Variants in USH2A observed in about 807,000 individuals in gnomAD.
The protein encoded by USH2A is usherin, also known as Usher syndrome 2A (autosomal recessive, mild).
In USH2A, 443 loss-of-function variants were observed where a neutral mutation model predicts 538.9. The observed-to-expected ratio is 0.82, with a 90% CI of 0.76 to 0.89. The LOEUF is 0.89. Ranked by LOEUF, USH2A falls within the 40% of genes least tolerant of loss-of-function variation. The pLI, the probability that USH2A is intolerant of heterozygous loss-of-function variation, is 0.00. For synonymous variants in USH2A, 2,413 were observed against 2,273.5 expected (o/e 1.06, Z -1.75); for missense variants, 6,633 against 6,324.8 (o/e 1.05, Z -1.65).
intron 11 of USH2A, among the ~76,000 whole-genome samples, chr1:216,288,451 C>T (rs542820625): frequency 9.2e-5 from 14 of 151,964 alleles, no homozygotes; most frequent in Admixed American, 3.9e-4. Flanking sequence ...AATGAATTCT[C>T]AAAATTATAG....
intron 38 of USH2A, among the ~76,000 whole-genome samples, chr1:215,921,814 T>C (rs970147785): frequency 1.3e-5 from 2 of 152,078 alleles, no homozygotes; most frequent in African/African-American, 4.8e-5. Flanking sequence ...TAATAGCACT[T>C]GCCTTACAGG....
chr1:215,766,120 C>T (rs1385473278), intron 56 of USH2A, among the ~76,000 whole-genome samples: 1 of 152,160 alleles, frequency 6.6e-6, no homozygotes, highest in Non-Finnish European at 1.5e-5. Flanking sequence ...CATCTCTGTA[C>T]ATCACTGTTC....
rs553726116 is a variant in USH2A at position 215,941,189 on chromosome 1, T to C, written c.7121-6394A>G. 7.2e-5 allele frequency among the ~76,000 whole-genome samples: 11 copies of C among 152,226 alleles called. No individual in the cohort carries two copies. The South Asian group carries it at 1.4e-3, about 20-fold the overall frequency. On this transcript the variant is annotated intron_variant, in intron 37 of 71. Transcript: ENST00000307340. ...CTGTACCTTATGCTTAATATTGCTG[T>C]AATCCTAAAACTGCTCTAAAAATAG...
chr1:216,104,653 CT>C (rs1012127723), intron 21 of USH2A, among the ~76,000 whole-genome samples: 6 of 152,112 alleles, frequency 3.9e-5, no homozygotes, highest in African/African-American at 1.4e-4. Flanking sequence ...TTCCTTACAC[CT>C]TATACAAAAA....
intron 55 of USH2A, among the ~76,000 whole-genome samples, chr1:215,779,517 A>G (rs1388493306): frequency 6.6e-6 from 1 of 152,160 alleles, no homozygotes; most frequent in African/African-American, 2.4e-5. Flanking sequence ...TCTTAGTCCC[A>G]TTAACTATGA....
chr1:215,686,296 T>A (rs1205156448), intron 61 of USH2A, among the ~76,000 whole-genome samples: 1 of 152,016 alleles, frequency 6.6e-6, no homozygotes, highest in East Asian at 1.9e-4. Flanking sequence ...ACTAAGGAAA[T>A]ACTTGTTATT....
chr1:215,859,987 A>G (rs1664275024), intron 44 of USH2A, among the ~76,000 whole-genome samples: 1 of 152,170 alleles, frequency 6.6e-6, no homozygotes, highest in Non-Finnish European at 1.5e-5. Context: ...TGCTCTGGCA[A>G]GGCTGGGTTA....
At chr1:216,263,456 G>T (rs1331768677) in intron 11 of USH2A, among the ~76,000 whole-genome samples, 3 of 152,088 alleles carry the variant, frequency 2.0e-5, no homozygotes, top group East Asian at 3.9e-4. Flanking sequence ...ATGTAGGAAT[G>T]ATTCAATATG....
intron 32 of USH2A, among the ~76,000 whole-genome samples, chr1:216,026,646 C>G (rs953575244): frequency 6.6e-6 from 1 of 152,092 alleles, no homozygotes; most frequent in Admixed American, 6.6e-5. Context: ...TTATTGTTCT[C>G]CTACTATACA....
intron 15 of USH2A, among the ~76,000 whole-genome samples, chr1:216,212,340 A>G (rs2035258280): frequency 6.6e-6 from 1 of 152,178 alleles, no homozygotes; most frequent in Non-Finnish European, 1.5e-5. Flanking sequence ...ATGACTTACC[A>G]ACACTTTTGA....
chr1:215,702,502 G>A (rs2102690920), intron 61 of USH2A, among the ~76,000 whole-genome samples: 1 of 151,994 alleles, frequency 6.6e-6, no homozygotes, highest in South Asian at 2.1e-4. Flanking sequence ...ATATTTCTTG[G>A]AGCCTTTGTT....
At chr1:215,772,311 A>G (rs966895868) in intron 55 of USH2A, among the ~76,000 whole-genome samples, 1 of 152,200 alleles carries the variant, frequency 6.6e-6, no homozygotes, top group Admixed American at 6.5e-5. Flanking sequence ...AGAAAAGAAA[A>G]CATCATTCAA....
At chr1:215,795,580 A>C (rs1208680824) in intron 50 of USH2A, among the ~76,000 whole-genome samples, 1 of 152,188 alleles carries the variant, frequency 6.6e-6, no homozygotes, top group African/African-American at 2.4e-5. Context: ...AGATGAACAA[A>C]CACACTAAAA....
chr1:216,135,813 A>G (rs1026280974), intron 21 of USH2A, among the ~76,000 whole-genome samples: 1 of 152,154 alleles, frequency 6.6e-6, no homozygotes, highest in Non-Finnish European at 1.5e-5. Context: ...ACAGAAAAAT[A>G]AAATGAATGA....
chr1:216,420,433 T>C (rs2039657156), intron 2 of USH2A, among the ~76,000 whole-genome samples: 1 of 152,112 alleles, frequency 6.6e-6, no homozygotes, highest in African/African-American at 2.4e-5. Flanking sequence ...TAATCCATGT[T>C]TTGTTTGTTT....
At chr1:216,418,356 G>A (rs2039610608) in intron 3 of USH2A, among the ~76,000 whole-genome samples, 158 bp downstream of exon 3, 2 of 152,050 alleles carry the variant, frequency 1.3e-5, no homozygotes, top group South Asian at 2.1e-4. Flanking sequence ...TACATCATTA[G>A]GTCATTTAAA....
chr1:216,188,055 TAGAG>T (rs1442547314), intron 20 of USH2A, among the ~76,000 whole-genome samples: 4 of 151,878 alleles, frequency 2.6e-5, no homozygotes, highest in Non-Finnish European at 5.9e-5. Flanking sequence ...ATAAAAAAAA[TAGAG>T]AGAGGATTCA....
intron 61 of USH2A, among the ~76,000 whole-genome samples, chr1:215,689,321 T>C (rs1033291382): frequency 2.0e-5 from 3 of 152,248 alleles, no homozygotes; most frequent in African/African-American, 7.2e-5. Flanking sequence ...CATTTGGATG[T>C]CTAATACATC....
intron 32 of USH2A, among the ~76,000 whole-genome samples, chr1:216,000,843 T>C (rs1350850693): frequency 1.3e-5 from 2 of 152,232 alleles, no homozygotes; most frequent in Admixed American, 1.3e-4. Context: ...GGTAAATCAT[T>C]TGCTAAGTTT....
Sources: allele counts gnomAD v4.1 joint callset (sites outside exome capture counted in the v4.1 genomes callset), GRCh38; gene constraint gnomAD v4.1.1; transcripts MANE v1.5; gene names NCBI Gene and HGNC (gene_info 2026-07-23, HGNC 2026-07-21).